The following SCRN3 variants were observed in gnomAD, a reference collection of about 807,000 sequenced individuals.
The protein encoded by SCRN3 is secernin 3.
In SCRN3, 39 loss-of-function variants were observed where a neutral mutation model predicts 43.1. That is an observed-to-expected ratio of 0.91 (90% CI 0.70 to 1.18). The LOEUF is 1.18. Ranked by LOEUF, SCRN3 falls within the 50% of genes most tolerant of loss-of-function variation. The pLI is 0.00. For synonymous variants in SCRN3, 147 were observed against 163.1 expected, an observed-to-expected ratio of 0.90 and a Z score of 0.75; for missense variants, 484 against 498.0, an observed-to-expected ratio of 0.97 and a Z score of 0.27.
chr2:174,424,470 T>G lies in SCRN3; in HGVS notation c.918-5T>G. ...TGATAATTTAATAAAGACTCTTTTTTCTAGATCTGTTTTTAAGCCTTTCAT... is the reference window on the plus strand; with the variant it reads ...TGATAATTTAATAAAGACTCTTTTTGCTAGATCTGTTTTTAAGCCTTTCAT... On this transcript the variant is annotated splice_polypyrimidine_tract_variant and splice_region_variant and intron_variant, in intron 6 of 7. Transcript: ENST00000272732. The G allele has an allele frequency of 3.8e-6, 6 of 1,571,430 alleles. No homozygotes were observed. Among genetic ancestry groups the G allele is most frequent in the Non-Finnish European group, 5.2e-6 (6 of 1,151,248 alleles).
chr2:174,408,587 C>A (rs1480667368), intron 5 of SCRN3, among the ~76,000 whole-genome samples: 1 of 144,248 alleles, frequency 6.9e-6, no homozygotes, highest in Non-Finnish European at 1.5e-5. Flanking sequence ...GATTTTGCAG[C>A]GGCTGGTACC....
intron 4 of SCRN3, 52 bp from the exon 5 acceptor site, chr2:174,404,051 T>G: frequency 7.3e-7 from 1 of 1,369,304 alleles, no homozygotes; most frequent in South Asian, 1.2e-5. Flanking sequence ...ATACATGCTT[T>G]ATGTTAAATA....
chr2:174,397,189 ATTTTC>A (rs1174926264), intron 1 of SCRN3: 2 of 977,574 alleles, frequency 2.0e-6, no homozygotes, highest in Non-Finnish European at 2.4e-6. Flanking sequence ...TTATTTAGTC[ATTTTC>A]TTTTCTTTTT....
At chr2:174,418,241 A>T (rs527638606) in intron 5 of SCRN3, among the ~76,000 whole-genome samples, 12 of 152,348 alleles carry the variant, frequency 7.9e-5, no homozygotes, top group African/African-American at 2.4e-4. Context: ...TCAAGTGTGA[A>T]ATATAGTTCA....
At chr2:174,406,268 T>C (rs1685690177) in intron 5 of SCRN3, among the ~76,000 whole-genome samples, 1 of 140,896 alleles carries the variant, frequency 7.1e-6, no homozygotes, top group Non-Finnish European at 1.6e-5. Context: ...TTGTCTGTTA[T>C]TGGTGTATAG....
intron 5 of SCRN3, among the ~76,000 whole-genome samples, chr2:174,409,155 TTTCTTTTTA>T (rs1318487528): frequency 8.1e-6 from 1 of 123,890 alleles, no homozygotes; most frequent in African/African-American, 2.9e-5. Context: ...GCTTTGCTCA[TTTCTTTTTA>T]TTCTTTTTTC....
chr2:174,404,228 G>A lies in SCRN3; in HGVS notation c.667G>A (p.Ala223Thr). Residue 223 changes from alanine (A) to threonine (T), a missense_variant, in exon 5 of 8, where the codon GCA (alanine) becomes ACA (threonine). Ala to Thr is a moderately conservative substitution (Grantham distance 58). Coordinates refer to ENST00000272732, the MANE Select transcript of SCRN3 (RefSeq NM_024583.5). ...WDGKKEFDFA[A>T]AYSYLDTAKM... Reference sequence around the variant, plus strand: ...TGGTAAAAAGGAGTTTGATTTTGCTGCAGCATATTCCTATCTTGACACAGC... The same window carrying A: ...TGGTAAAAAGGAGTTTGATTTTGCTACAGCATATTCCTATCTTGACACAGC... The A allele has an allele frequency of 6.2e-7, 1 of 1,613,850 alleles. No individual in the cohort carries two copies. Among genetic ancestry groups the A allele is most frequent in the Non-Finnish European group, 8.5e-7 (1 of 1,179,836 alleles).
chr2:174,397,439 A>C (rs1367162165), intron 1 of SCRN3: 3 of 818,796 alleles, frequency 3.7e-6, no homozygotes, highest in African/African-American at 3.7e-5. Context: ...ATTGCGATTT[A>C]TAAATTAAAT....
chr2:174,404,073 C>T, intron 4 of SCRN3, 30 bp from the exon 5 acceptor site: 1 of 1,543,974 alleles, frequency 6.5e-7, no homozygotes, highest in Non-Finnish European at 8.9e-7. Flanking sequence ...GACTTTTCTT[C>T]TCCTTTCTCC....
chr2:174,424,435 T>C (rs762381024), intron 6 of SCRN3, 40 bp from the exon 7 acceptor site: 2 of 1,352,666 alleles, frequency 1.5e-6, no homozygotes, highest in Non-Finnish European at 2.0e-6. Flanking sequence ...AATATTTTTA[T>C]ATATTGACAT....
intron 3 of SCRN3, 105 bp from the exon 4 acceptor site, chr2:174,400,885 G>T: frequency 1.0e-6 from 1 of 971,708 alleles, no homozygotes. Context: ...CTGTTAACTT[G>T]GAAGAAATTT....
rs767927951 is a variant in SCRN3 at position 174,404,260 on chromosome 2, G to T, written c.699G>T (p.Met233Ile). The T allele has an allele frequency of 6.2e-7, 1 of 1,613,796 alleles. No homozygotes were observed. Among genetic ancestry groups the T allele is most frequent in the South Asian group, 1.1e-5 (1 of 91,076 alleles). ...AAYSYLDTAK[M>I]MTSSGRYCEG... ...ATTCCTATCTTGACACAGCCAAGAT[G>T]ATGACTTCATCAGGCAGATACTGTG... Residue 233 changes from methionine (M) to isoleucine (I), a missense_variant, in exon 5 of 8, where the codon ATG (methionine) becomes ATT (isoleucine). Met to Ile is a conservative substitution (Grantham distance 10). Transcript: ENST00000272732.
chr2:174,402,839 G>A (rs774044401), intron 4 of SCRN3, among the ~76,000 whole-genome samples: 1 of 152,112 alleles, frequency 6.6e-6, no homozygotes, highest in Admixed American at 6.5e-5. Flanking sequence ...TTGACAGACT[G>A]TCATTTCAGC....
chr2:174,429,135 T>C lies in SCRN3; in HGVS notation c.*1240T>C, dbSNP rs992702105. ...TCTGACTCAAGAACTCAGTTGATTC[T>C]GTTTGCCTTAAGTTTGGTTCAGTGA... On this transcript the variant is annotated 3_prime_UTR_variant, in exon 8 of 8. Coordinates refer to ENST00000272732, the MANE Select transcript of SCRN3 (RefSeq NM_024583.5). 5 of 152,176 alleles carry C rather than the reference T, an allele frequency of 3.3e-5. No individual in the cohort carries two copies. The highest frequency in any genetic ancestry group is 7.3e-5 in the Non-Finnish European group (5 of 68,042). 9.4% of individuals were successfully genotyped at this position (152,176 alleles called of 1,614,324 possible). A position where few individuals can be genotyped will look rare whatever the true frequency, so the allele number is the denominator to read the frequency against.
intron 7 of SCRN3, among the ~76,000 whole-genome samples, chr2:174,426,159 C>T (rs1304400524): frequency 1.3e-5 from 2 of 152,046 alleles, no homozygotes; most frequent in Non-Finnish European, 2.9e-5. Flanking sequence ...TTTAAGGCAC[C>T]TTGATTTCAT....
chr2:174,416,352 A>T (rs1686108157), intron 5 of SCRN3, among the ~76,000 whole-genome samples: 1 of 152,204 alleles, frequency 6.6e-6, no homozygotes, highest in Non-Finnish European at 1.5e-5. Flanking sequence ...TTAGAGAGAG[A>T]AAGATGTCAT....
intron 5 of SCRN3, among the ~76,000 whole-genome samples, chr2:174,413,009 C>T (rs1428710395): frequency 2.6e-5 from 4 of 151,908 alleles, no homozygotes; most frequent in Non-Finnish European, 5.9e-5. Flanking sequence ...GCTGGGATTA[C>T]AGGCATGTGC....
rs1222212679 is a variant in SCRN3, at chr2:174,398,449, G to T, written c.159+7G>T. On this transcript the variant is annotated splice_region_variant and intron_variant, in intron 2 of 7. Coordinates refer to ENST00000272732, the MANE Select transcript of SCRN3 (RefSeq NM_024583.5). ...CCTGGGAGAACGTCTTAAGGTAGGT[G>T]AAATAAATGTTTTGTTAGCAATATG... 6.3e-7 allele frequency: 1 copy of T among 1,581,746 alleles called. No homozygotes were observed.
At chr2:174,408,556 G>T (rs1372714367) in intron 5 of SCRN3, among the ~76,000 whole-genome samples, 1 of 149,840 alleles carries the variant, frequency 6.7e-6, no homozygotes, top group Non-Finnish European at 1.5e-5. Context: ...CCTAGTCTCG[G>T]TGGTCTTTAC....
Sources: allele counts gnomAD v4.1 joint callset (sites outside exome capture counted in the v4.1 genomes callset), GRCh38; gene constraint gnomAD v4.1.1; transcripts MANE v1.5; gene names NCBI Gene and HGNC (gene_info 2026-07-23, HGNC 2026-07-21).